Variants in ITGA9 observed in about 807,000 individuals in gnomAD.
ITGA9 encodes integrin alpha-9.
Under a neutral mutation model 127.8 loss-of-function variants are expected in ITGA9, and 56 were observed. The observed-to-expected ratio is 0.44, with a 90% CI of 0.35 to 0.55. The LOEUF is 0.55. Ranked by LOEUF, ITGA9 falls within the 20% of genes least tolerant of loss-of-function variation. The pLI is 0.00. For synonymous variants in ITGA9, 508 were observed against 514.5 expected (o/e 0.99, Z 0.17); for missense variants, 1,196 against 1,347.1 (o/e 0.89, Z 1.76).
At chr3:37,505,373 A>G (rs989835730) in intron 6 of ITGA9, among the ~76,000 whole-genome samples, 1 of 152,270 alleles carries the variant, frequency 6.6e-6, no homozygotes, top group Non-Finnish European at 1.5e-5. Flanking sequence ...AACAACCTAA[A>G]TGCCCAGCAA....
chr3:37,800,747 C>T (rs1222221326), intron 26 of ITGA9, among the ~76,000 whole-genome samples: 2 of 152,172 alleles, frequency 1.3e-5, no homozygotes, highest in African/African-American at 4.8e-5. Flanking sequence ...TGGAAATAAT[C>T]TCCATGCCTA....
chr3:37,664,447 G>A (rs1437025041), intron 17 of ITGA9, among the ~76,000 whole-genome samples: 25 of 136,764 alleles, frequency 1.8e-4, no homozygotes, highest in African/African-American at 3.3e-4. Context: ...TTTTTTAGAC[G>A]GAGTTTCGCT....
chr3:37,731,503 A>G (rs554336512), intron 18 of ITGA9, among the ~76,000 whole-genome samples: 1 of 152,282 alleles, frequency 6.6e-6, no homozygotes, highest in East Asian at 1.9e-4. Flanking sequence ...TTTTATATTT[A>G]TATATCTCTT....
chr3:37,775,330 G>C (rs1224637051), intron 23 of ITGA9, among the ~76,000 whole-genome samples: 6 of 152,168 alleles, frequency 3.9e-5, no homozygotes, highest in African/African-American at 1.4e-4. Context: ...TCTCATACCA[G>C]TCAGAATGGC....
At chr3:37,474,292 G>C (rs1471633220) in intron 3 of ITGA9, among the ~76,000 whole-genome samples, 1 of 152,138 alleles carries the variant, frequency 6.6e-6, no homozygotes, top group African/African-American at 2.4e-5. Context: ...AATTAAACTA[G>C]AAATTCAGGT....
chr3:37,595,338 GA>G (rs1699859344), intron 15 of ITGA9, among the ~76,000 whole-genome samples: 1 of 152,178 alleles, frequency 6.6e-6, no homozygotes, highest in Admixed American at 6.5e-5. Flanking sequence ...AATCTAGGAA[GA>G]AAAGGCCACA....
intron 15 of ITGA9, among the ~76,000 whole-genome samples, chr3:37,625,701 C>G (rs1441089677): frequency 6.6e-6 from 1 of 152,156 alleles, no homozygotes; most frequent in Non-Finnish European, 1.5e-5. Context: ...TGCTTAATTG[C>G]AGTGCTGAGC....
chr3:37,615,022 G>A (rs1050706545), intron 15 of ITGA9, among the ~76,000 whole-genome samples: 17 of 152,312 alleles, frequency 1.1e-4, no homozygotes, highest in Middle Eastern at 3.4e-3. Flanking sequence ...AGTGGTGGGA[G>A]AGGGCATCCC....
chr3:37,494,524 G>A lies in ITGA9; in HGVS notation c.568G>A (p.Glu190Lys), dbSNP rs1280262488. 1.2e-6 allele frequency: 2 copies of A among 1,613,818 alleles called. No individual in the cohort carries two copies. Among genetic ancestry groups the A allele is most frequent in the Non-Finnish European group, 1.7e-6 (2 of 1,179,710 alleles). ...YEEYKKKYGE[E>K]HGSCQAGIAG... ...AGAGTATAAGAAGAAGTACGGAGAG[G>A]AACACGGCTCCTGCCAGGCTGGGAT... Residue 190 changes from glutamate (E) to lysine (K), a missense_variant, in exon 5 of 28, where the codon GAA becomes AAA. By Grantham distance (56) the Glu-to-Lys change is moderately conservative. Coordinates refer to ENST00000264741, the MANE Select transcript of ITGA9 (RefSeq NM_002207.3).
chr3:37,804,805 C>T (rs1052153947), intron 27 of ITGA9, among the ~76,000 whole-genome samples: 2 of 152,056 alleles, frequency 1.3e-5, no homozygotes, highest in South Asian at 4.1e-4. Flanking sequence ...TTTGGGATTA[C>T]AAAATAATAT....
Position 37,490,974 on chromosome 3 carries a change from G to GCC in ITGA9, c.545-3526_545-3525insCC, listed in dbSNP as rs1335083511. On this transcript the variant is annotated intron_variant, in intron 4 of 27. Transcript: ENST00000264741. ...GGGTCTCAGATTTGGCTTCCCCCCCGCTTTTTTTTTTTTTTTTTTTGAGAC... is the reference window on the plus strand; with the variant it reads ...GGGTCTCAGATTTGGCTTCCCCCCCGCCCTTTTTTTTTTTTTTTTTTTGAGAC... 3.7e-3 allele frequency among the ~76,000 whole-genome samples: 456 copies of GCC among 121,858 alleles called. 8 individuals carry two copies. The highest frequency in any genetic ancestry group is 0.013 in the African/African-American group (408 of 30,734). The allele number at this position is 121,858 out of a possible 152,430, so 79.9% of individuals were successfully genotyped here.
chr3:37,676,851 A>G (rs1700687232), intron 17 of ITGA9, among the ~76,000 whole-genome samples: 2 of 151,872 alleles, frequency 1.3e-5, no homozygotes, highest in Non-Finnish European at 2.9e-5. Context: ...GCCCCTTTCC[A>G]TGTTATTTCT....
Position 37,452,672 on chromosome 3 carries a change from G to A in ITGA9, c.185+113G>A, listed in dbSNP as rs573949899. ...TTCCACGCCGCCGTCCCGAGGGGGC[G>A]ATTTAAATGTCTCCGTTGCGCGCGG... is the stretch of plus-strand genomic sequence containing the variant. On this transcript the variant is annotated intron_variant, in intron 1 of 27. Coordinates refer to ENST00000264741, the MANE Select transcript of ITGA9 (RefSeq NM_002207.3). This position sits in a 1 kb window ranked among gnomAD's most constrained non-coding sequence, Gnocchi z 7.3. The A allele has an allele frequency of 3.2e-6, 3 of 944,474 alleles. No individual in the cohort carries two copies. The highest frequency in any genetic ancestry group is 3.6e-5 in the East Asian group (1 of 28,162). 58.5% of individuals were successfully genotyped at this position (944,474 alleles called of 1,614,324 possible).
At chr3:37,657,015 C>T (rs565697063) in intron 17 of ITGA9, among the ~76,000 whole-genome samples, 1 of 152,096 alleles carries the variant, frequency 6.6e-6, no homozygotes, top group East Asian at 1.9e-4. Context: ...ATATGTTGAA[C>T]CAGCCTTGCA....
chr3:37,590,167 G>A lies in ITGA9; in HGVS notation c.1690-39020G>A, dbSNP rs111988751. 3.2e-3 allele frequency among the ~76,000 whole-genome samples: 482 copies of A among 152,264 alleles called. 2 individuals carry two copies. The highest frequency in any genetic ancestry group is 0.011 in the African/African-American group (456 of 41,550). On this transcript the variant is annotated intron_variant, in intron 15 of 27. Coordinates refer to ENST00000264741, the MANE Select transcript of ITGA9 (RefSeq NM_002207.3). ...AGTTCAGGACACAGGCAGCCTGGGG[G>A]TGCTTGCTTCATTTCTGAAAAAGCA...
At chr3:37,778,854 T>A (rs1246387319) in intron 24 of ITGA9, among the ~76,000 whole-genome samples, 1 of 149,814 alleles carries the variant, frequency 6.7e-6, no homozygotes, top group Non-Finnish European at 1.5e-5. Flanking sequence ...GGTGACTGTT[T>A]GCCACTTGAA....
intron 18 of ITGA9, among the ~76,000 whole-genome samples, chr3:37,718,616 C>T (rs1322461019): frequency 1.3e-5 from 2 of 152,218 alleles, no homozygotes; most frequent in East Asian, 1.9e-4. Context: ...CCTGACTCTG[C>T]TTCTGCTGTA....
chr3:37,559,048 G>C (rs936158096), intron 15 of ITGA9, among the ~76,000 whole-genome samples: 3 of 152,146 alleles, frequency 2.0e-5, no homozygotes, highest in Non-Finnish European at 4.4e-5. Context: ...TTTTAAAGCA[G>C]GGAGCTTATG....
intron 23 of ITGA9, chr3:37,754,191 G>A (rs1462785344): frequency 6.6e-6 from 1 of 152,210 alleles, no homozygotes; most frequent in Non-Finnish European, 1.5e-5. Flanking sequence ...AGGGAAGAGG[G>A]TAGTGGTCTT....
Sources: allele counts gnomAD v4.1 joint callset (sites outside exome capture counted in the v4.1 genomes callset), GRCh38; gene constraint gnomAD v4.1.1; non-coding constraint Gnocchi (gnomAD v3.1); transcripts MANE v1.5; gene names NCBI Gene and HGNC (gene_info 2026-07-23, HGNC 2026-07-21).